Variants in VMP1 observed in about 807,000 individuals in gnomAD.
VMP1 encodes the protein ectopic P-granules autophagy protein 3 homolog.
In VMP1, 11 loss-of-function variants were observed where a neutral mutation model predicts 56.0. The observed-to-expected ratio is 0.20, with a 90% confidence interval of 0.12 to 0.32. The LOEUF (loss-of-function observed/expected upper bound fraction) is 0.32, where lower values mean the gene tolerates loss of function less well. Ranked by LOEUF, VMP1 falls within the 10% of genes least tolerant of loss-of-function variation. The pLI is 1.00. For synonymous variants in VMP1, 149 were observed against 165.0 expected (o/e 0.90, Z 0.74); for missense variants, 296 against 490.3 (o/e 0.60, Z 3.74).
At chr17:59,772,967 T>C (rs2036486526) in intron 6 of VMP1, among the ~76,000 whole-genome samples, 1 of 125,834 alleles carries the variant, frequency 7.9e-6, no homozygotes, top group Admixed American at 8.3e-5. Flanking sequence ...TTTTTTTTTT[T>C]TTTTTTTTTT....
At chr17:59,835,231 C>A (rs1038467222) in intron 10 of VMP1, among the ~76,000 whole-genome samples, 2 of 151,310 alleles carry the variant, frequency 1.3e-5, no homozygotes, top group Non-Finnish European at 2.9e-5. Context: ...TGGGTTCAAG[C>A]GATTCTTCGG....
At chr17:59,732,796 C>T (rs2034882269) in intron 2 of VMP1, among the ~76,000 whole-genome samples, 1 of 152,164 alleles carries the variant, frequency 6.6e-6, no homozygotes, top group Non-Finnish European at 1.5e-5. Context: ...TTAAAATTAA[C>T]ATTAGCATGT....
At chr17:59,807,920 C>T (rs1341157429) in intron 7 of VMP1, among the ~76,000 whole-genome samples, 1 of 151,476 alleles carries the variant, frequency 6.6e-6, no homozygotes, top group African/African-American at 2.4e-5. Flanking sequence ...CATTTACACA[C>T]ATTCAAAAAA....
intron 7 of VMP1, among the ~76,000 whole-genome samples, chr17:59,791,460 G>A (rs1036184616): frequency 2.0e-5 from 3 of 150,728 alleles, no homozygotes; most frequent in African/African-American, 7.3e-5. Context: ...CAAAGTGCTG[G>A]GATTATAGGC....
chr17:59,745,955 T>G (rs1318570132), intron 5 of VMP1, among the ~76,000 whole-genome samples: 2 of 152,232 alleles, frequency 1.3e-5, no homozygotes, highest in African/African-American at 4.8e-5. Context: ...TAGGCAAAAT[T>G]TCCCAATTAG....
intron 7 of VMP1, among the ~76,000 whole-genome samples, chr17:59,780,905 A>T (rs2036800338): frequency 6.6e-6 from 1 of 151,694 alleles, no homozygotes; most frequent in Non-Finnish European, 1.5e-5. Context: ...TCTTTTCTTC[A>T]TTCCTTTTCA....
At chr17:59,756,987 T>A (rs1421632350) in intron 5 of VMP1, among the ~76,000 whole-genome samples, 1 of 152,176 alleles carries the variant, frequency 6.6e-6, no homozygotes, top group Non-Finnish European at 1.5e-5. Context: ...CGCTGTAGTA[T>A]AAATCCAGAA....
intron 1 of VMP1, among the ~76,000 whole-genome samples, chr17:59,712,226 G>A (rs1427892044): frequency 6.6e-6 from 1 of 152,152 alleles, no homozygotes. Context: ...ATAGCTTTAT[G>A]TTGCTGCTTA....
In VMP1 at chr17:59,841,235, C is replaced by T; in HGVS notation, c.*1324C>T. The T allele has an allele frequency of 2.1e-6, 1 of 470,378 alleles. No individual in the cohort carries two copies. Among genetic ancestry groups the T allele is most frequent in the South Asian group, 1.6e-5 (1 of 63,484 alleles). 29.1% of individuals were successfully genotyped at this position (470,378 alleles called of 1,614,324 possible). ...CCTGACTGTCTGCTTGTTTTGCCTA[C>T]CATCGTGACATCTCCATGGCTGTAC... On this transcript the variant is annotated 3_prime_UTR_variant, in exon 12 of 12. Transcript: ENST00000262291.
Position 59,731,514 on chromosome 17 carries a change from A to G in VMP1, c.68A>G (p.Asn23Ser). The G allele has an allele frequency of 6.3e-7, 1 of 1,580,554 alleles. No individual in the cohort carries two copies. Among genetic ancestry groups the G allele is most frequent in the East Asian group, 2.3e-5 (1 of 42,740 alleles). Reference protein sequence around the residue: ...VAMNKEHHNGNFTDPSSVNEK... With the variant: ...VAMNKEHHNGSFTDPSSVNEK... ...ATGAACAAGGAACATCATAATGGAA[A>G]TTTCACAGGTAAATTTTGATGGTTT... is the stretch of plus-strand genomic sequence containing the variant. The change falls in exon 2 of 12, where the codon AAT becomes AGT. Residue 23 changes from asparagine (N) to serine (S), a missense_variant. Around this residue, in one of 4 missense-constraint regions of VMP1, gnomAD observed 69 missense variants for 76.6 expected, o/e 0.90. Transcript: ENST00000262291.
intron 8 of VMP1, among the ~76,000 whole-genome samples, chr17:59,811,062 T>G (rs1288300847): frequency 6.6e-6 from 1 of 152,210 alleles, no homozygotes; most frequent in African/African-American, 2.4e-5. Flanking sequence ...CTTTATAAAT[T>G]GTGTCACATA....
chr17:59,832,288 G>GCCTCTC lies in VMP1; in HGVS notation c.975-6007_975-6006insCCTCTC, dbSNP rs2038834666. Among the ~76,000 whole-genome samples, 3 of 137,768 alleles carry GCCTCTC rather than the reference G, an allele frequency of 2.2e-5. No homozygotes were observed. In the Admixed American group the frequency reaches 2.5e-4, roughly 11 times the overall value. 90.4% of individuals were successfully genotyped at this position (137,768 alleles called of 152,430 possible). On this transcript the variant is annotated intron_variant, in intron 10 of 11. Transcript: ENST00000262291. ...AGCAATTCTCATGCCTCAGCCTCCC[G>GCCTCTC]AGTAGCTGGGACTACAGGCACGTGC...
chr17:59,814,257 A>G (rs2038152448), intron 9 of VMP1, among the ~76,000 whole-genome samples: 1 of 152,170 alleles, frequency 6.6e-6, no homozygotes, highest in Non-Finnish European at 1.5e-5. Context: ...GATTACAGGC[A>G]TGATCCACTG....
At chr17:59,812,920 ACT>A (rs938072064) in intron 9 of VMP1, among the ~76,000 whole-genome samples, 1 of 151,910 alleles carries the variant, frequency 6.6e-6, no homozygotes, top group East Asian at 1.9e-4. Context: ...ACAGAGCAAG[ACT>A]CTGTCTCAAA....
rs1254014994 is a variant in VMP1 at position 59,773,865 on chromosome 17, G to A, written c.694G>A (p.Glu232Lys). 3 of 1,612,770 alleles carry A rather than the reference G, an allele frequency of 1.9e-6. 1 individual carries two copies. The highest frequency in any genetic ancestry group is 2.2e-5 in the South Asian group (2 of 90,872). Reference sequence around the variant, plus strand: ...GTATCAGGAATTTGAAGAGATGCTGGAACATGCAGAGTCTGCACAAGTAAG... The same window carrying A: ...GTATCAGGAATTTGAAGAGATGCTGAAACATGCAGAGTCTGCACAAGTAAG... ...EEYQEFEEML[E>K]HAESAQDFAS... Residue 232 changes from glutamate to lysine, a missense_variant, in exon 7 of 12, where the codon GAA (glutamate) becomes AAA (lysine). Around this residue, in one of 4 missense-constraint regions of VMP1, gnomAD observed 126 missense variants for 231.6 expected, o/e 0.54. Coordinates refer to ENST00000262291, the MANE Select transcript of VMP1 (RefSeq NM_030938.5).
At chr17:59,811,530 C>A in intron 8 of VMP1, 140 bp from the exon 9 acceptor site, 1 of 639,958 alleles carries the variant, frequency 1.6e-6, no homozygotes, top group Non-Finnish European at 2.7e-6. Flanking sequence ...TCCTTTTGAA[C>A]AATCCAGTAG....
intron 6 of VMP1, among the ~76,000 whole-genome samples, chr17:59,773,307 G>T (rs748678139): frequency 2.0e-5 from 3 of 151,870 alleles, no homozygotes; most frequent in Non-Finnish European, 2.9e-5. Flanking sequence ...GAAGCGGTGG[G>T]GGGGGGCAAA....
chr17:59,709,694 C>T (rs1007455977), intron 1 of VMP1, among the ~76,000 whole-genome samples: 2 of 151,994 alleles, frequency 1.3e-5, no homozygotes, highest in African/African-American at 4.8e-5. Context: ...AGTTTGATAC[C>T]GTGATCCATT....
chr17:59,726,051 A>G lies in VMP1; in HGVS notation c.-26-5370A>G, dbSNP rs893860593. Among the ~76,000 whole-genome samples, 22 of 152,278 alleles carry G rather than the reference A, an allele frequency of 1.4e-4. 1 individual carries two copies. The highest frequency in any genetic ancestry group is 1.0e-3 in the South Asian group (5 of 4,834). The stretch of plus-strand genomic sequence containing the variant: ...TGTAGGAGAAAGGTTTTAGAATGTT[A>G]TTTATAAGGCAAACCTTTTTGTGCC... On this transcript the variant is annotated intron_variant, in intron 1 of 11. Coordinates refer to ENST00000262291, the MANE Select transcript of VMP1 (RefSeq NM_030938.5).
Sources: gnomAD v4.1 joint callset for allele counts (sites outside exome capture counted in the v4.1 genomes callset) on GRCh38, gnomAD v4.1.1 for gene constraint, gnomAD v4.1.1 regional missense constraint, MANE v1.5 for transcripts, NCBI Gene and HGNC (gene_info 2026-07-23, HGNC 2026-07-21) for gene names.